C10orf90: variants seen among roughly 807,000 people sequenced by gnomAD.
The protein encoded by C10orf90 is chromosome 10 open reading frame 90.
In C10orf90, 56 loss-of-function variants were observed where a neutral mutation model predicts 62.5. The ratio of observed to expected loss-of-function variants is 0.90; its 90% CI spans 0.72 to 1.12. The LOEUF (loss-of-function observed/expected upper bound fraction) is 1.12, where lower values mean the gene tolerates loss of function less well. Ranked by LOEUF, C10orf90 falls within the 50% of genes most tolerant of loss-of-function variation. The probability of loss-of-function intolerance (pLI) is 0.00; values close to 1 mark genes in which losing one functional copy is unlikely to be tolerated. For missense variants in C10orf90, 970 were observed against 880.4 expected, an observed-to-expected ratio of 1.10 and a Z score of -1.29; for synonymous variants, 386 against 340.4, an observed-to-expected ratio of 1.13 and a Z score of -1.47.
intron 2 of C10orf90, among the ~76,000 whole-genome samples, chr10:126,621,315 T>C (rs1330098032): frequency 6.6e-6 from 1 of 152,254 alleles, no homozygotes; most frequent in Non-Finnish European, 1.5e-5. Flanking sequence ...TTACATCTCC[T>C]TTTTGTTCTT....
chr10:126,477,065 A>G (rs1292440304), intron 4 of C10orf90, among the ~76,000 whole-genome samples: 3 of 110,214 alleles, frequency 2.7e-5, no homozygotes, highest in African/African-American at 6.8e-5. Context: ...GCCCAACATC[A>G]CGCCTGGCTA....
In C10orf90 at chr10:126,521,142, C is replaced by T. The variant is rs550426272; in HGVS notation, c.314-7203G>A. Among the ~76,000 whole-genome samples, 18 of 152,278 alleles carry T rather than the reference C, an allele frequency of 1.2e-4. No individual in the cohort carries two copies. In the East Asian group the frequency reaches 3.3e-3, roughly 28 times the overall value. On this transcript the variant is annotated intron_variant, in intron 2 of 9. Transcript: ENST00000488181. ...TAATGATCTGTTCCTGAGTGTCTCC[C>T]CAAGTTGGCCCAGGTCTTTAGAGAT...
intron 2 of C10orf90, among the ~76,000 whole-genome samples, chr10:126,552,946 G>A (rs1004165912): frequency 9.2e-5 from 14 of 152,154 alleles, no homozygotes; most frequent in African/African-American, 2.9e-4. Context: ...ATCGTTTTGG[G>A]TCTATTAGAC....
In C10orf90 at chr10:126,504,435, C is replaced by T. The variant is rs1554902249; in HGVS notation, c.1056G>A (p.Arg352=). Residue 352 remains arginine (R), a synonymous_variant, in exon 4 of 10, where the codon AGG becomes AGA. Transcript: ENST00000488181. The surrounding 1 kb of genome is among the most constrained non-coding windows in gnomAD (Gnocchi z 4.1). ...TTGAATCTGGACACTGCTGAGACAC[C>T]CTGAGGTGGACACAGGAACTGAACA... ...PLVFSSCVHL[R]VSQQCPDSIY... is the part of the protein sequence containing the mutation. The T allele has an allele frequency of 1.2e-6, 2 of 1,614,168 alleles. No individual in the cohort carries two copies. Among genetic ancestry groups the T allele is most frequent in the Admixed American group, 1.7e-5 (1 of 60,026 alleles).
intron 2 of C10orf90, among the ~76,000 whole-genome samples, chr10:126,626,862 G>A (rs1315814143): frequency 2.6e-5 from 4 of 152,286 alleles, no homozygotes; most frequent in South Asian, 4.1e-4. Context: ...ACTCTTCTCC[G>A]TCTGCAAGGA....
At chr10:126,531,283 C>T (rs1864088163) in intron 2 of C10orf90, among the ~76,000 whole-genome samples, 1 of 152,108 alleles carries the variant, frequency 6.6e-6, no homozygotes, top group African/African-American at 2.4e-5. Flanking sequence ...GGACATTTGG[C>T]AATGTCTGGA....
chr10:126,666,502 G>A (rs1240015447), intron 1 of C10orf90, among the ~76,000 whole-genome samples: 1 of 152,100 alleles, frequency 6.6e-6, no homozygotes. Flanking sequence ...GAGGAGACAA[G>A]GACCTTAAAG....
intron 4 of C10orf90, among the ~76,000 whole-genome samples, chr10:126,492,460 G>C (rs1236159039): frequency 6.6e-6 from 1 of 152,070 alleles, no homozygotes; most frequent in African/African-American, 2.4e-5. Flanking sequence ...TGTATGCATG[G>C]GAATGCTTTC....
intron 1 of C10orf90, among the ~76,000 whole-genome samples, chr10:126,649,042 C>CTG (rs1564909038): frequency 4.4e-5 from 2 of 45,334 alleles, no homozygotes; most frequent in Admixed American, 2.1e-4. Flanking sequence ...CTGTCTCTCT[C>CTG]TCTCTCTCTC....
At chr10:126,470,574 TA>T (rs1278032926) in intron 4 of C10orf90, among the ~76,000 whole-genome samples, 2 of 90,054 alleles carry the variant, frequency 2.2e-5, no homozygotes, top group Admixed American at 1.1e-4. Flanking sequence ...TACTAAAAAC[TA>T]AAAAACAAAC....
At chr10:126,505,355 A>G (rs978909168) in intron 3 of C10orf90, among the ~76,000 whole-genome samples, 1 of 152,138 alleles carries the variant, frequency 6.6e-6, no homozygotes, top group Non-Finnish European at 1.5e-5. Flanking sequence ...TTATCTAATG[A>G]TGTGTCAACG....
intron 2 of C10orf90, among the ~76,000 whole-genome samples, chr10:126,585,359 G>C (rs1017486518): frequency 3.2e-5 from 2 of 61,874 alleles, no homozygotes; most frequent in African/African-American, 1.5e-4. Flanking sequence ...GGGAGCGAGG[G>C]GGGGAAGAAA....
chr10:126,493,439 C>T (rs1356560059), intron 4 of C10orf90, among the ~76,000 whole-genome samples: 3 of 151,678 alleles, frequency 2.0e-5, no homozygotes, highest in South Asian at 2.1e-4. Flanking sequence ...CAGCTCACTG[C>T]AACCTCTGCC....
chr10:126,633,091 G>A (rs933730632), intron 2 of C10orf90, among the ~76,000 whole-genome samples: 1 of 152,172 alleles, frequency 6.6e-6, no homozygotes, highest in Non-Finnish European at 1.5e-5. Flanking sequence ...GATCTACATG[G>A]CACCTTCTGC....
At position 126,456,904 on chromosome 10, in the gene C10orf90, C is replaced by T. The variant is rs1257911724; in HGVS notation, c.2188+2136G>A. Among the ~76,000 whole-genome samples, 1 of 152,204 alleles carries T rather than the reference C, an allele frequency of 6.6e-6. No individual in the cohort carries two copies. Among genetic ancestry groups the T allele is most frequent in the Non-Finnish European group, 1.5e-5 (1 of 68,032 alleles). On this transcript the variant is annotated intron_variant, in intron 7 of 9. Transcript: ENST00000488181. The surrounding 1 kb of genome is among the most constrained non-coding windows in gnomAD (Gnocchi z 4.9). ...CTGAGCCTCTAGAAAGTAACCAACC[C>T]TGTGGAAACCTCGGTTTTGACTTCT...
chr10:126,555,205 A>G (rs1324515475), intron 2 of C10orf90, among the ~76,000 whole-genome samples: 2 of 152,084 alleles, frequency 1.3e-5, no homozygotes, highest in African/African-American at 2.4e-5. Context: ...TCACAACCTG[A>G]CTTTGGGTTA....
At position 126,504,663 on chromosome 10, in the gene C10orf90, A is replaced by T. The variant is rs1234913942; in HGVS notation, c.828T>A (p.Ala276=). 6.2e-7 allele frequency: 1 copy of T among 1,614,038 alleles called. No individual in the cohort carries two copies. Among genetic ancestry groups the T allele is most frequent in the Non-Finnish European group, 8.5e-7 (1 of 1,180,020 alleles). ...AEDTLFQAPP[A]LANGAHPGRH... is the part of the protein sequence containing the mutation. ...GACCTGGATGGGCGCCATTGGCCAG[A>T]GCCGGGGGCGCCTGGAACAGTGTGT... Residue 276 remains alanine, a synonymous_variant, in exon 4 of 10, where the codon GCT becomes GCA. Transcript: ENST00000488181. This position sits in a 1 kb window ranked among gnomAD's most constrained non-coding sequence, Gnocchi z 4.1.
At chr10:126,519,898 C>T (rs1175792531) in intron 2 of C10orf90, among the ~76,000 whole-genome samples, 7 of 152,292 alleles carry the variant, frequency 4.6e-5, no homozygotes, top group South Asian at 4.1e-4. Flanking sequence ...AGATCCCCTC[C>T]GTGAGCACCG....
At chr10:126,650,917 A>G (rs372413046) in intron 1 of C10orf90, among the ~76,000 whole-genome samples, 2 of 152,110 alleles carry the variant, frequency 1.3e-5, no homozygotes, top group South Asian at 2.1e-4. Flanking sequence ...CACAGGTACA[A>G]TCCTGCCAGA....
Sources: allele counts gnomAD v4.1 joint callset (sites outside exome capture counted in the v4.1 genomes callset), GRCh38; gene constraint gnomAD v4.1.1; non-coding constraint Gnocchi (gnomAD v3.1); transcripts MANE v1.5; gene names NCBI Gene and HGNC (gene_info 2026-07-23, HGNC 2026-07-21).